Variants in USP31 observed in about 807,000 individuals in gnomAD.
USP31 encodes ubiquitin carboxyl-terminal hydrolase 31.
Under a neutral mutation model 119.4 loss-of-function variants are expected in USP31, and 44 were observed. That is an observed-to-expected ratio of 0.37 (90% CI 0.29 to 0.47). The LOEUF (loss-of-function observed/expected upper bound fraction) is 0.47, where lower values mean the gene tolerates loss of function less well. Among genes scored for constraint, USP31 ranks in the 20% least tolerant of loss-of-function variants. USP31 has a pLI of 0.99. For synonymous variants in USP31, 749 were observed against 705.6 expected (o/e 1.06, Z -0.97); for missense variants, 1,643 against 1,730.2 (o/e 0.95, Z 0.89).
chr16:23,149,158 G>C lies in USP31; in HGVS notation c.113C>G (p.Ala38Gly). 8.5e-7 allele frequency: 1 copy of C among 1,171,976 alleles called. No homozygotes were observed. Among genetic ancestry groups the C allele is most frequent in the African/African-American group, 1.6e-5 (1 of 60,662 alleles). The allele number at this position is 1,171,976 out of a possible 1,614,324, so 72.6% of individuals were successfully genotyped here. A position where few individuals can be genotyped will look rare whatever the true frequency, so the allele number is the denominator to read the frequency against. Residue 38 changes from alanine (A) to glycine (G), a missense_variant, in exon 1 of 16, where the codon GCG (alanine) becomes GGG (glycine). Ala to Gly is a moderately conservative substitution (Grantham distance 60). Transcript: ENST00000219689. ...FRSGRAGGGG[A>G]GGPGASGPAA... ...CGGCCCGGACGCCCCGGGGCCCCCCGCGCCGCCGCCGCCAGCGCGGCCGCT... is the reference window on the plus strand; with the variant it reads ...CGGCCCGGACGCCCCGGGGCCCCCCCCGCCGCCGCCGCCAGCGCGGCCGCT...
At position 23,067,589 on chromosome 16, in the gene USP31, T is replaced by TA. The variant is rs1189613707; in HGVS notation, c.*456dup. ...GTTTCGTTGTTAGAGTCACAGTTTT[T>TA]AGAGCTCCTGGTGCCACCCACAATC... On this transcript the variant is annotated 3_prime_UTR_variant, in exon 16 of 16. Transcript: ENST00000219689. The TA allele has an allele frequency of 6.5e-6, 1 of 154,942 alleles. No homozygotes were observed. The highest frequency in any genetic ancestry group is 2.4e-5 in the African/African-American group (1 of 41,494). 9.6% of individuals were successfully genotyped at this position (154,942 alleles called of 1,614,324 possible). A position where few individuals can be genotyped will look rare whatever the true frequency, so the allele number is the denominator to read the frequency against.
intron 6 of USP31, among the ~76,000 whole-genome samples, chr16:23,095,292 A>T (rs1017837258): frequency 6.6e-6 from 1 of 152,230 alleles, no homozygotes; most frequent in African/African-American, 2.4e-5. Flanking sequence ...ACACAAGGTT[A>T]GAGAAAAAAG....
intron 6 of USP31, among the ~76,000 whole-genome samples, chr16:23,095,178 G>T (rs1453717837): frequency 6.6e-6 from 1 of 152,194 alleles, no homozygotes; most frequent in East Asian, 1.9e-4. Context: ...GCAGACCATG[G>T]CATGAGGACT....
Position 23,148,723 on chromosome 16 carries a change from T to A in USP31, c.548A>T (p.Gln183Leu). 7 of 1,484,074 alleles carry A rather than the reference T, an allele frequency of 4.7e-6. No individual in the cohort carries two copies. Among genetic ancestry groups the A allele is most frequent in the Non-Finnish European group, 6.3e-6 (7 of 1,119,932 alleles). The allele number at this position is 1,484,074 out of a possible 1,614,324, so 91.9% of individuals were successfully genotyped here. ...EQPAGRGAQGQGEVTEQLAHL... is the reference protein window; with the variant it reads ...EQPAGRGAQGLGEVTEQLAHL... ...CGCCAGCTGCTCAGTGACCTCGCCC[T>A]GGCCCTGCGCGCCGCGGCCCGCAGG... The change falls in exon 1 of 16, where the codon CAG becomes CTG. Residue 183 changes from glutamine (Q) to leucine (L), a missense_variant. Coordinates refer to ENST00000219689, the MANE Select transcript of USP31 (RefSeq NM_020718.4).
Position 23,068,383 on chromosome 16 carries a change from G to A in USP31, c.3722C>T (p.Ser1241Leu), listed in dbSNP as rs1169283735. 16 of 1,613,934 alleles carry A rather than the reference G, an allele frequency of 9.9e-6. No homozygotes were observed. The highest frequency in any genetic ancestry group is 1.6e-4 in the Middle Eastern group (1 of 6,064). The change falls in exon 16 of 16, where the codon TCG becomes TTG. Residue 1241 changes from serine to leucine, a missense_variant. Coordinates refer to ENST00000219689, the MANE Select transcript of USP31 (RefSeq NM_020718.4). ...SALRQKETRR[S>L]TDLGKTALLS... ...CAAGGCTGTCTTGCCAAGATCCGTC[G>A]AGCGCCGGGTTTCCTTCTGTCTCAA...
At chr16:23,146,215 T>TAA (rs964568985) in intron 1 of USP31, among the ~76,000 whole-genome samples, 10 of 120,520 alleles carry the variant, frequency 8.3e-5, no homozygotes, top group African/African-American at 2.9e-4. Context: ...CAGGCAATTG[T>TAA]AAGCAAAGAG....
chr16:23,107,296 T>G (rs745676750), intron 2 of USP31, among the ~76,000 whole-genome samples: 5 of 152,104 alleles, frequency 3.3e-5, no homozygotes, highest in Admixed American at 2.0e-4. Flanking sequence ...GTACAGAACA[T>G]TAGGATACAA....
At chr16:23,131,134 T>C (rs1407227362) in intron 1 of USP31, among the ~76,000 whole-genome samples, 1 of 151,978 alleles carries the variant, frequency 6.6e-6, no homozygotes, top group East Asian at 1.9e-4. Flanking sequence ...ACATACCCCA[T>C]CTCACAAAAA....
At chr16:23,142,088 C>T (rs1156512367) in intron 1 of USP31, among the ~76,000 whole-genome samples, 1 of 152,194 alleles carries the variant, frequency 6.6e-6, no homozygotes, top group African/African-American at 2.4e-5. Context: ...AGCCCCTTTA[C>T]CTAAACTAAC....
At chr16:23,106,523 A>G in intron 2 of USP31, 36 bp from the exon 3 acceptor site, 2 of 1,558,832 alleles carry the variant, frequency 1.3e-6, no homozygotes, top group African/African-American at 1.4e-5. Context: ...CACAGACTAG[A>G]AAGACCAATT....
chr16:23,097,700 A>T (rs1300119629), intron 6 of USP31, among the ~76,000 whole-genome samples: 2 of 152,254 alleles, frequency 1.3e-5, no homozygotes, highest in African/African-American at 2.4e-5. Flanking sequence ...AATCCATCAC[A>T]TAAACAGAAC....
intron 5 of USP31, 122 bp from the exon 6 acceptor site, chr16:23,102,585 G>T: frequency 8.9e-7 from 1 of 1,129,342 alleles, no homozygotes; most frequent in Non-Finnish European, 1.2e-6. Context: ...ATCTCGCAGA[G>T]CCCACTTTAT....
At position 23,068,637 on chromosome 16, in the gene USP31, T is replaced by C. The variant is rs757465597; in HGVS notation, c.3468A>G (p.Arg1156=). ...KSRTSDHSLS[R]EGSRQSLGSD... ...AACCCAAGCTTTGTCTGGAGCCCTCTCTACTCAAGCTGTGGTCTGAAGTCC... is the reference window on the plus strand; with the variant it reads ...AACCCAAGCTTTGTCTGGAGCCCTCCCTACTCAAGCTGTGGTCTGAAGTCC... Residue 1156 remains arginine, a synonymous_variant, in exon 16 of 16, where the codon AGA becomes AGG. Coordinates refer to ENST00000219689, the MANE Select transcript of USP31 (RefSeq NM_020718.4). 3 of 1,614,206 alleles carry C rather than the reference T, an allele frequency of 1.9e-6. No homozygotes were observed. The Admixed American group carries it at 5.0e-5, about 27-fold the overall frequency.
intron 1 of USP31, among the ~76,000 whole-genome samples, chr16:23,111,114 C>A (rs1025085403): frequency 6.6e-6 from 1 of 151,250 alleles, no homozygotes; most frequent in Non-Finnish European, 1.5e-5. Context: ...GACGACAGAG[C>A]GAGACTCCGT....
At chr16:23,081,791 G>GAT (rs1900840559) in intron 12 of USP31, among the ~76,000 whole-genome samples, 1 of 152,144 alleles carries the variant, frequency 6.6e-6, no homozygotes, top group Non-Finnish European at 1.5e-5. Context: ...TGCAGGCTGT[G>GAT]CTTTCTCCAC....
At chr16:23,108,244 T>C in intron 1 of USP31, 61 bp from the exon 2 acceptor site, 1 of 1,533,526 alleles carries the variant, frequency 6.5e-7, no homozygotes, top group Non-Finnish European at 8.8e-7. Context: ...AGAAAAACTA[T>C]TTATTCATAA....
At position 23,066,786 on chromosome 16, in the gene USP31, T is replaced by G. The variant is rs1057343069; in HGVS notation, c.*1260A>C. Reference sequence around the variant, plus strand: ...TGGTGAGGTTCTCCTTTGTAAGAAATGCAATTTGCACTGACACGGCCAGAT... The same window carrying G: ...TGGTGAGGTTCTCCTTTGTAAGAAAGGCAATTTGCACTGACACGGCCAGAT... On this transcript the variant is annotated 3_prime_UTR_variant, in exon 16 of 16. Coordinates refer to ENST00000219689, the MANE Select transcript of USP31 (RefSeq NM_020718.4). 1 of 152,180 alleles carries G rather than the reference T, an allele frequency of 6.6e-6. No homozygotes were observed. Among genetic ancestry groups the G allele is most frequent in the East Asian group, 1.9e-4 (1 of 5,204 alleles). The allele number at this position is 152,180 out of a possible 1,614,324, so 9.4% of individuals were successfully genotyped here.
At chr16:23,072,608 G>T (rs555313930) in intron 14 of USP31, 1 of 472,510 alleles carries the variant, frequency 2.1e-6, no homozygotes, top group Non-Finnish European at 3.7e-6. Context: ...GAGAGGATGC[G>T]GCAGTATACT....
At position 23,087,854 on chromosome 16, in the gene USP31, G is replaced by A; in HGVS notation, c.1416-19C>T. On this transcript the variant is annotated intron_variant, in intron 7 of 15. Coordinates refer to ENST00000219689, the MANE Select transcript of USP31 (RefSeq NM_020718.4). ...TCCAAATCTAACACACATCAACAATGTAATCACCTTTAAAGTACGGTAATT... is the reference window on the plus strand; with the variant it reads ...TCCAAATCTAACACACATCAACAATATAATCACCTTTAAAGTACGGTAATT... 1 of 1,593,762 alleles carries A rather than the reference G, an allele frequency of 6.3e-7. No homozygotes were observed. Among genetic ancestry groups the A allele is most frequent in the Non-Finnish European group, 8.6e-7 (1 of 1,163,538 alleles).
Sources: gnomAD v4.1 joint callset for allele counts (sites outside exome capture counted in the v4.1 genomes callset) on GRCh38, gnomAD v4.1.1 for gene constraint, MANE v1.5 for transcripts, NCBI Gene and HGNC (gene_info 2026-07-23, HGNC 2026-07-21) for gene names.